The following HHIPL1 variants were observed in gnomAD, a reference collection of about 807,000 sequenced individuals.
HHIPL1 encodes HHIP-like protein 1.
In HHIPL1, 43 loss-of-function variants were observed where a neutral mutation model predicts 61.8. That is an observed-to-expected ratio of 0.70 (90% confidence interval 0.55 to 0.90). The LOEUF (loss-of-function observed/expected upper bound fraction) is 0.90, where lower values mean the gene tolerates loss of function less well. Ranked by LOEUF, HHIPL1 falls within the 40% of genes least tolerant of loss-of-function variation. The pLI is 0.00. For missense variants in HHIPL1, 1,056 were observed against 1,157.7 expected (o/e 0.91, Z 1.28); for synonymous variants, 482 against 515.8 (o/e 0.93, Z 0.89).
At chr14:99,663,216 A>G (rs1224875305) in intron 6 of HHIPL1, among the ~76,000 whole-genome samples, 195 bp downstream of exon 6, 1 of 152,106 alleles carries the variant, frequency 6.6e-6, no homozygotes, top group Non-Finnish European at 1.5e-5. Flanking sequence ...GGCCCAAGAG[A>G]GGGTTCTTGG....
At chr14:99,642,782 C>A (rs184495537), upstream of HHIPL1, among the ~76,000 whole-genome samples, 222 of 152,238 alleles carry the variant, frequency 1.5e-3, no homozygotes, top group African/African-American at 5.2e-3. Flanking sequence ...CCTTGGCCTC[C>A]CAAAGTGCTG....
upstream of HHIPL1, among the ~76,000 whole-genome samples, chr14:99,640,441 C>G (rs543781891): frequency 2.7e-5 from 4 of 148,718 alleles, no homozygotes; most frequent in Non-Finnish European, 3.0e-5. Flanking sequence ...CACACCATCA[C>G]GCCAAGCTAA....
intron 3 of HHIPL1, among the ~76,000 whole-genome samples, chr14:99,658,697 T>C (rs987279163): frequency 1.3e-5 from 2 of 152,128 alleles, no homozygotes; most frequent in Non-Finnish European, 2.9e-5. Flanking sequence ...CGCGTCACTT[T>C]TGTCATGAGC....
chr14:99,626,993 G>C, the HHIPL1 span, among the ~76,000 whole-genome samples: 38 of 152,268 alleles, frequency 2.5e-4, no homozygotes, highest in African/African-American at 8.7e-4. Flanking sequence ...GACTGTGTGT[G>C]ACATGGAGTT....
chr14:99,669,610 T>C (rs1474438356), intron 7 of HHIPL1, among the ~76,000 whole-genome samples: 1 of 152,070 alleles, frequency 6.6e-6, no homozygotes, highest in Non-Finnish European at 1.5e-5. Flanking sequence ...AAAAGAAAAA[T>C]TCTAAAACAC....
chr14:99,633,569 T>C, the HHIPL1 span, among the ~76,000 whole-genome samples: 3 of 152,104 alleles, frequency 2.0e-5, no homozygotes, highest in Non-Finnish European at 2.9e-5. Flanking sequence ...CAAATCACAA[T>C]TGGATTTGCA....
At chr14:99,639,337 T>C in the HHIPL1 span, among the ~76,000 whole-genome samples, 2 of 152,186 alleles carry the variant, frequency 1.3e-5, no homozygotes, top group Non-Finnish European at 2.9e-5. Flanking sequence ...GCCTTGGTTG[T>C]TTATTTTTAT....
chr14:99,643,262 A>G (rs2055776370), upstream of HHIPL1, among the ~76,000 whole-genome samples: 1 of 150,084 alleles, frequency 6.7e-6, no homozygotes, highest in Non-Finnish European at 1.5e-5. Context: ...CTGGTTTCGA[A>G]CTCCTGACCT....
chr14:99,656,840 G>GA, intron 2 of HHIPL1, among the ~76,000 whole-genome samples, 160 bp from the exon 3 acceptor site: 8 of 2,294 alleles, frequency 3.5e-3, no homozygotes, highest in African/African-American at 8.4e-3. Flanking sequence ...AGAAAGAAAG[G>GA]AAGGAAGGAA....
At chr14:99,672,871 G>A (rs2056340237) in intron 8 of HHIPL1, among the ~76,000 whole-genome samples, 1 of 152,168 alleles carries the variant, frequency 6.6e-6, no homozygotes, top group Non-Finnish European at 1.5e-5. Context: ...TGTTCCCCTG[G>A]GCCCAAGTTA....
rs1286988230 is a variant in HHIPL1 at position 99,659,479 on chromosome 14, C to G, written c.1098C>G (p.Arg366=). The change falls in exon 4 of 9, where the codon CGC becomes CGG. Residue 366 remains arginine (R), a synonymous_variant. Transcript: ENST00000330710. ...VLRIDVDRKE[R]GLPYGIPPDN... Reference sequence around the variant, plus strand: ...GCATCGACGTGGACCGTAAGGAGCGCGGCCTGCCCTACGGCATCCCGCCCG... The same window carrying G: ...GCATCGACGTGGACCGTAAGGAGCGGGGCCTGCCCTACGGCATCCCGCCCG... The G allele has an allele frequency of 6.5e-7, 1 of 1,532,840 alleles. No homozygotes were observed. The highest frequency in any genetic ancestry group is 1.4e-5 in the African/African-American group (1 of 71,374). 95.0% of individuals were successfully genotyped at this position (1,532,840 alleles called of 1,614,324 possible).
intron 1 of HHIPL1, among the ~76,000 whole-genome samples, chr14:99,647,268 A>G (rs571844697): frequency 6.6e-6 from 1 of 152,198 alleles, no homozygotes; most frequent in African/African-American, 2.4e-5. Context: ...CATGCTGTAC[A>G]CCTCAAGGGC....
the HHIPL1 span, among the ~76,000 whole-genome samples, chr14:99,629,722 C>T: frequency 1.3e-5 from 2 of 152,100 alleles, no homozygotes; most frequent in Admixed American, 6.5e-5. Flanking sequence ...AGGCTGGTCT[C>T]GAACTCTTGA....
At position 99,675,454 on chromosome 14, in the gene HHIPL1, A is replaced by G; in HGVS notation, c.2177A>G (p.Lys726Arg). 1 of 1,539,606 alleles carries G rather than the reference A, an allele frequency of 6.5e-7. No homozygotes were observed. The highest frequency in any genetic ancestry group is 1.4e-5 in the African/African-American group (1 of 73,014). ...TTTGCCTACGCCGTGCGCGCCGTCA[A>G]GAGAGCCGAGTTCGGCCAGGGCGGC... ...LGFAYAVRAV[K>R]RAEFGQGGSL... Residue 726 changes from lysine (K) to arginine (R), a missense_variant, in exon 9 of 9, where the codon AAG becomes AGG. Lys to Arg is a conservative substitution (Grantham distance 26). Transcript: ENST00000330710. This position sits in a 1 kb window ranked among gnomAD's most constrained non-coding sequence, Gnocchi z 5.4.
chr14:99,674,803 G>A (rs932694082), intron 8 of HHIPL1, among the ~76,000 whole-genome samples: 2 of 152,180 alleles, frequency 1.3e-5, no homozygotes, highest in Admixed American at 6.5e-5. Flanking sequence ...GTAGGGAGAC[G>A]CAGCAACAGC....
Position 99,652,832 on chromosome 14 carries a change from C to T in HHIPL1, c.864C>T (p.Ser288=), listed in dbSNP as rs567853938. 9 of 1,614,030 alleles carry T rather than the reference C, an allele frequency of 5.6e-6. No homozygotes were observed. The highest frequency in any genetic ancestry group is 3.3e-5 in the South Asian group (3 of 91,076). ...TCCGCATCAGCGAGTTCAGAGTCTC[C>T]GAGGATGACGAGAACGCCGTGGACC... ...EWIRISEFRV[S]EDDENAVDHS... is the part of the protein sequence containing the mutation. The change falls in exon 2 of 9, where the codon TCC becomes TCT. Residue 288 remains serine, a synonymous_variant. Coordinates refer to ENST00000330710, the MANE Select transcript of HHIPL1 (RefSeq NM_001127258.3).
rs2056404815 is a variant in HHIPL1, at chr14:99,677,719, C to G, written c.*2093C>G. On this transcript the variant is annotated 3_prime_UTR_variant, in exon 9 of 9. Transcript: ENST00000330710. The surrounding 1 kb of genome is among the most constrained non-coding windows in gnomAD (Gnocchi z 4.3). ...GAGCCAGGGCCCTGCTTGCCTGGCC[C>G]CAGAAGCTGTTTTGCTCAGAGCTGG... is the stretch of plus-strand genomic sequence containing the variant. The G allele has an allele frequency of 6.6e-6, 1 of 152,250 alleles. No individual in the cohort carries two copies. The highest frequency in any genetic ancestry group is 2.4e-5 in the African/African-American group (1 of 41,444). The allele number at this position is 152,250 out of a possible 1,614,324, so 9.4% of individuals were successfully genotyped here.
chr14:99,623,911 A>G, the HHIPL1 span, among the ~76,000 whole-genome samples: 2 of 152,212 alleles, frequency 1.3e-5, no homozygotes, highest in Admixed American at 6.5e-5. Context: ...AAGGGACTCT[A>G]TTAAAACGTA....
the HHIPL1 span, among the ~76,000 whole-genome samples, chr14:99,634,538 C>T: frequency 6.6e-6 from 1 of 152,318 alleles, no homozygotes; most frequent in South Asian, 2.1e-4. Context: ...AACTACAGCA[C>T]CCTAAGCAGC....
Sources: allele counts gnomAD v4.1 joint callset (sites outside exome capture counted in the v4.1 genomes callset), GRCh38; gene constraint gnomAD v4.1.1; non-coding constraint Gnocchi (gnomAD v3.1); transcripts MANE v1.5; gene names NCBI Gene and HGNC (gene_info 2026-07-23, HGNC 2026-07-21).